Variants in ACBD6 observed in about 807,000 individuals in gnomAD.
ACBD6 encodes the protein acyl-CoA-binding domain-containing protein 6.
A neutral mutation model predicts 37.2 loss-of-function variants in ACBD6; 28 were observed. The observed-to-expected ratio is 0.75, with a 90% CI of 0.56 to 1.03. The LOEUF is 1.03. Ranked by LOEUF, ACBD6 falls within the 50% of genes least tolerant of loss-of-function variation. The pLI is 0.00. For synonymous variants in ACBD6, 113 were observed against 126.8 expected, an observed-to-expected ratio of 0.89 and a Z score of 0.73; for missense variants, 340 against 337.4, an observed-to-expected ratio of 1.01 and a Z score of -0.06.
chr1:180,334,846 G>A (rs1260487154), intron 6 of ACBD6, among the ~76,000 whole-genome samples: 3 of 152,112 alleles, frequency 2.0e-5, no homozygotes, highest in Non-Finnish European at 2.9e-5. Flanking sequence ...ACCATGGCAC[G>A]AGAACTACGT....
intron 7 of ACBD6, among the ~76,000 whole-genome samples, chr1:180,292,571 T>C (rs567564771): frequency 6.6e-6 from 1 of 152,248 alleles, no homozygotes; most frequent in East Asian, 1.9e-4. Context: ...GTTTGTATAT[T>C]GATTTTACAT....
At chr1:180,420,131 G>C (rs1648295009) in intron 4 of ACBD6, among the ~76,000 whole-genome samples, 1 of 152,136 alleles carries the variant, frequency 6.6e-6, no homozygotes, top group African/African-American at 2.4e-5. Flanking sequence ...ATCTGGTTTG[G>C]AAGCAATCAT....
chr1:180,314,689 T>C lies in ACBD6; in HGVS notation c.694+3A>G. ...ATTACTTAATAATTTAGAAACTTCT[T>C]ACCATAATGTAGAGCTGTTTGGCCT... On this transcript the variant is annotated splice_donor_region_variant and intron_variant, in intron 7 of 7. Coordinates refer to ENST00000367595, the MANE Select transcript of ACBD6 (RefSeq NM_032360.4). 3.3e-6 allele frequency: 5 copies of C among 1,525,134 alleles called. No homozygotes were observed. Among genetic ancestry groups the C allele is most frequent in the Non-Finnish European group, 4.5e-6 (5 of 1,101,718 alleles). The allele number at this position is 1,525,134 out of a possible 1,614,324, so 94.5% of individuals were successfully genotyped here. A position where few individuals can be genotyped will look rare whatever the true frequency, so the allele number is the denominator to read the frequency against.
intron 5 of ACBD6, among the ~76,000 whole-genome samples, chr1:180,403,114 T>C (rs927929880): frequency 6.6e-6 from 1 of 152,186 alleles, no homozygotes; most frequent in African/African-American, 2.4e-5. Flanking sequence ...ATCCCATATA[T>C]ATAAAGTTCG....
intron 4 of ACBD6, among the ~76,000 whole-genome samples, chr1:180,427,956 A>G (rs1648658468): frequency 6.6e-6 from 1 of 151,716 alleles, no homozygotes; most frequent in Non-Finnish European, 1.5e-5. Flanking sequence ...AAAACAACGA[A>G]TTTTCATTAT....
At chr1:180,457,493 T>C (rs1255695300) in intron 3 of ACBD6, among the ~76,000 whole-genome samples, 1 of 149,554 alleles carries the variant, frequency 6.7e-6, no homozygotes, top group Non-Finnish European at 1.5e-5. Flanking sequence ...ATCACTAACC[T>C]ACAAGACTAG....
At chr1:180,329,159 C>T (rs1228283220) in intron 6 of ACBD6, among the ~76,000 whole-genome samples, 1 of 152,146 alleles carries the variant, frequency 6.6e-6, no homozygotes, top group African/African-American at 2.4e-5. Context: ...CTGATTATAT[C>T]CCTCAATTTC....
intron 8 of ACBD6, among the ~76,000 whole-genome samples, chr1:180,282,273 C>G (rs908634952): frequency 4.6e-5 from 7 of 152,068 alleles, no homozygotes; most frequent in Non-Finnish European, 8.8e-5. Context: ...AACCCTGGAC[C>G]AGGATCTCCT....
At chr1:180,391,988 T>G (rs1654094408) in intron 6 of ACBD6, among the ~76,000 whole-genome samples, 1 of 152,262 alleles carries the variant, frequency 6.6e-6, no homozygotes, top group African/African-American at 2.4e-5. Flanking sequence ...GAACAATTGA[T>G]ACATGTAACA....
intron 4 of ACBD6, among the ~76,000 whole-genome samples, chr1:180,420,298 C>T (rs989169091): frequency 1.3e-5 from 2 of 152,182 alleles, no homozygotes; most frequent in African/African-American, 2.4e-5. Flanking sequence ...TTGGCTCTGT[C>T]GTAAATCCTG....
chr1:180,467,413 G>A (rs4593778), intron 3 of ACBD6, among the ~76,000 whole-genome samples: 116,766 of 139,990 alleles, frequency 0.83, 48,705 homozygotes, highest in Non-Finnish European at 0.88. Context: ...GGAATTCAAG[G>A]CCAAACTGGG....
intron 6 of ACBD6, among the ~76,000 whole-genome samples, chr1:180,389,299 A>G (rs2101939293): frequency 6.6e-6 from 1 of 152,194 alleles, no homozygotes; most frequent in African/African-American, 2.4e-5. Context: ...ATGATTTCCA[A>G]TTTCATCCAT....
chr1:180,366,661 T>C (rs756408455), intron 6 of ACBD6, among the ~76,000 whole-genome samples: 3 of 152,164 alleles, frequency 2.0e-5, no homozygotes, highest in Non-Finnish European at 4.4e-5. Context: ...AGGAAGTGAC[T>C]ATTCAATATA....
chr1:180,333,697 G>A (rs927771440), intron 6 of ACBD6, among the ~76,000 whole-genome samples: 3 of 152,228 alleles, frequency 2.0e-5, no homozygotes, highest in African/African-American at 7.2e-5. Flanking sequence ...CACTGAGCGT[G>A]AGCCAAAGCA....
intron 5 of ACBD6, among the ~76,000 whole-genome samples, chr1:180,411,252 A>T (rs1156385917): frequency 2.6e-5 from 4 of 152,264 alleles, no homozygotes; most frequent in Admixed American, 1.3e-4. Flanking sequence ...AAATAACAAC[A>T]AAAATTTTAA....
intron 4 of ACBD6, among the ~76,000 whole-genome samples, chr1:180,415,429 AC>A (rs201946750): frequency 1.3e-5 from 2 of 151,940 alleles, no homozygotes; most frequent in Admixed American, 6.6e-5. Flanking sequence ...AAAAAAAAAA[AC>A]ACCATGTCTA....
At chr1:180,459,139 A>AG (rs1650029156) in intron 3 of ACBD6, among the ~76,000 whole-genome samples, 1 of 152,206 alleles carries the variant, frequency 6.6e-6, no homozygotes, top group Non-Finnish European at 1.5e-5. Flanking sequence ...TTCATTAGAC[A>AG]ATCTGGTAGT....
chr1:180,386,716 T>C (rs899239165), intron 6 of ACBD6, among the ~76,000 whole-genome samples: 2 of 152,160 alleles, frequency 1.3e-5, no homozygotes, highest in Admixed American at 6.6e-5. Context: ...ATCCAGTGAA[T>C]TTTTATTTCA....
intron 9 of ACBD6, among the ~76,000 whole-genome samples, chr1:180,279,490 G>A (rs1649242090): frequency 6.6e-6 from 1 of 152,138 alleles, no homozygotes; most frequent in African/African-American, 2.4e-5. Flanking sequence ...TAGAGACGGG[G>A]TTTTGCCACG....
Sources: gnomAD v4.1 joint callset for allele counts (sites outside exome capture counted in the v4.1 genomes callset) on GRCh38, gnomAD v4.1.1 for gene constraint, MANE v1.5 for transcripts, NCBI Gene and HGNC (gene_info 2026-07-23, HGNC 2026-07-21) for gene names.